MYO10: variants seen among roughly 807,000 people sequenced by gnomAD.
MYO10 encodes unconventional myosin-X.
Under a neutral mutation model 257.3 loss-of-function variants are expected in MYO10, and 133 were observed. The observed-to-expected ratio is 0.52, with a 90% CI of 0.45 to 0.60. The LOEUF is 0.60. Among genes scored for constraint, MYO10 ranks in the 20% least tolerant of loss-of-function variants. The pLI is 0.00. For missense variants in MYO10, 2,399 were observed against 2,635.7 expected (o/e 0.91, Z 1.97); for synonymous variants, 1,104 against 1,028.6 (o/e 1.07, Z -1.40).
chr5:16,833,984 T>C (rs761712403), intron 2 of MYO10, among the ~76,000 whole-genome samples: 1 of 152,120 alleles, frequency 6.6e-6, no homozygotes, highest in Admixed American at 6.5e-5. Flanking sequence ...GAGGACAAAA[T>C]ATCAATTATT....
At chr5:16,893,883 T>C (rs1297445831) in intron 1 of MYO10, among the ~76,000 whole-genome samples, 1 of 152,080 alleles carries the variant, frequency 6.6e-6, no homozygotes, top group Non-Finnish European at 1.5e-5. Context: ...ACACAGCCTC[T>C]CCCCAGCAGT....
chr5:16,768,664 C>CTA (rs760457328), intron 10 of MYO10, among the ~76,000 whole-genome samples: 2 of 70,140 alleles, frequency 2.9e-5, no homozygotes, highest in Non-Finnish European at 4.9e-5. Context: ...TTTCTCTTTT[C>CTA]TTTTTTTTTT....
At chr5:16,773,285 A>G (rs1326304327) in intron 9 of MYO10, among the ~76,000 whole-genome samples, 1 of 152,228 alleles carries the variant, frequency 6.6e-6, no homozygotes, top group Non-Finnish European at 1.5e-5. Context: ...AATACGGTTA[A>G]GAAATACAAA....
intron 1 of MYO10, among the ~76,000 whole-genome samples, chr5:16,929,671 T>C (rs1361901865): frequency 6.6e-6 from 1 of 152,212 alleles, no homozygotes; most frequent in Non-Finnish European, 1.5e-5. Flanking sequence ...GCCAGCAACA[T>C]GCCTGGCACA....
At chr5:16,796,285 AAG>A (rs1741950158) in intron 3 of MYO10, among the ~76,000 whole-genome samples, 1 of 149,772 alleles carries the variant, frequency 6.7e-6, no homozygotes, top group East Asian at 1.9e-4. Flanking sequence ...GAAAGAAAGA[AAG>A]AAGAAAAGAA....
At chr5:16,916,075 G>T (rs569880214) in intron 1 of MYO10, 1 of 456,048 alleles carries the variant, frequency 2.2e-6, no homozygotes, top group Admixed American at 2.4e-5. Context: ...GCTTGGTCCC[G>T]AGTGTTAAGC....
intron 1 of MYO10, among the ~76,000 whole-genome samples, chr5:16,895,598 C>T (rs1334877727): frequency 6.6e-6 from 1 of 152,018 alleles, no homozygotes; most frequent in East Asian, 1.9e-4. Context: ...AGGCTCAACC[C>T]AACAAGAGCT....
intron 1 of MYO10, among the ~76,000 whole-genome samples, chr5:16,933,317 A>G (rs1399454230): frequency 6.6e-6 from 1 of 152,180 alleles, no homozygotes; most frequent in African/African-American, 2.4e-5. Context: ...ACAACAAAGA[A>G]TTACTCAGCA....
chr5:16,682,431 G>GGTGT (rs1203967946), intron 30 of MYO10, among the ~76,000 whole-genome samples: 1 of 152,154 alleles, frequency 6.6e-6, no homozygotes, highest in East Asian at 1.9e-4. Flanking sequence ...TCAGTAAATA[G>GGTGT]GTGTAGGTGG....
Position 16,754,920 on chromosome 5 carries a change from A to G in MYO10, c.1849-12T>C. 1 of 1,540,424 alleles carries G rather than the reference A, an allele frequency of 6.5e-7. No individual in the cohort carries two copies. The highest frequency in any genetic ancestry group is 8.9e-7 in the Non-Finnish European group (1 of 1,126,666). ...GAATGCAGTGAGTCCTATTAGAAAA[A>G]GTATATGTTGATTTAGTCTCTTATT... On this transcript the variant is annotated splice_polypyrimidine_tract_variant and intron_variant, in intron 18 of 40. Transcript: ENST00000513610.
intron 1 of MYO10, among the ~76,000 whole-genome samples, chr5:16,904,822 G>A (rs541884888): frequency 2.6e-5 from 4 of 152,046 alleles, no homozygotes; most frequent in East Asian, 1.9e-4. Flanking sequence ...CCAGCTACTC[G>A]GGAGCCTGAG....
intron 2 of MYO10, among the ~76,000 whole-genome samples, chr5:16,819,975 T>C (rs1299024192): frequency 6.6e-6 from 1 of 152,228 alleles, no homozygotes; most frequent in East Asian, 1.9e-4. Context: ...AGCTGCTTCC[T>C]GGGCTCAGAC....
At chr5:16,790,035 G>A (rs1369001486) in intron 4 of MYO10, among the ~76,000 whole-genome samples, 5 of 151,564 alleles carry the variant, frequency 3.3e-5, no homozygotes, top group East Asian at 2.0e-4. Flanking sequence ...ACAAGAGCAC[G>A]CCCCCATGCC....
rs531355772 is a variant in MYO10, at chr5:16,888,297, G to A, written c.22-10590C>T. On this transcript the variant is annotated intron_variant, in intron 1 of 40. Coordinates refer to ENST00000513610, the MANE Select transcript of MYO10 (RefSeq NM_012334.3). ...TAATCTCAACACTTTGGGAGTCCAA[G>A]GTGGGAGGATTACTTGAGCCTCAGA... 1.7e-4 allele frequency among the ~76,000 whole-genome samples: 25 copies of A among 150,196 alleles called. 1 individual carries two copies. The highest frequency in any genetic ancestry group is 6.1e-4 in the African/African-American group (24 of 39,572).
At chr5:16,919,865 C>A (rs1168877876) in intron 1 of MYO10, among the ~76,000 whole-genome samples, 2 of 152,172 alleles carry the variant, frequency 1.3e-5, no homozygotes, top group Non-Finnish European at 2.9e-5. Context: ...GTAATCCCAG[C>A]ACTTTGGGTG....
chr5:16,814,288 C>T (rs1052766574), intron 3 of MYO10, among the ~76,000 whole-genome samples: 22 of 152,072 alleles, frequency 1.4e-4, no homozygotes, highest in African/African-American at 5.1e-4. Context: ...ACTACAGGCG[C>T]CCGCCACCAC....
At position 16,888,574 on chromosome 5, in the gene MYO10, A is replaced by C. The variant is rs541302498; in HGVS notation, c.22-10867T>G. ...TGCGCCACTGCACTCCAGCCTGAAC[A>C]ACAAGAGCGAGACTCCGTCTCAAAA... On this transcript the variant is annotated intron_variant, in intron 1 of 40. Coordinates refer to ENST00000513610, the MANE Select transcript of MYO10 (RefSeq NM_012334.3). 4.0e-5 allele frequency among the ~76,000 whole-genome samples: 6 copies of C among 151,348 alleles called. No individual in the cohort carries two copies. In the South Asian group the frequency reaches 1.3e-3, roughly 32 times the overall value.
At chr5:16,897,041 A>G (rs1745238379) in intron 1 of MYO10, among the ~76,000 whole-genome samples, 1 of 152,034 alleles carries the variant, frequency 6.6e-6, no homozygotes. Context: ...AAAGAAGGAA[A>G]TCATATAAAT....
At chr5:16,818,423 TATAC>T (rs1181068765) in intron 2 of MYO10, among the ~76,000 whole-genome samples, 5 of 148,368 alleles carry the variant, frequency 3.4e-5, no homozygotes, top group African/African-American at 5.1e-5. Flanking sequence ...TATATATATA[TATAC>T]ACATATCTTT....
Sources: gnomAD v4.1 joint callset for allele counts (sites outside exome capture counted in the v4.1 genomes callset) on GRCh38, gnomAD v4.1.1 for gene constraint, MANE v1.5 for transcripts, NCBI Gene and HGNC (gene_info 2026-07-23, HGNC 2026-07-21) for gene names.